Variants in CLECL1 observed in about 807,000 individuals in gnomAD.
CLECL1 encodes the protein C-type lectin-like domain family 1.
At chr12:9,704,229 C>T in the CLECL1 span, 27 of 152,072 alleles carry the variant, frequency 1.8e-4, no homozygotes, top group Non-Finnish European at 2.2e-4. Flanking sequence ...ATTTTAATTG[C>T]ACAAGGAGAA....
chr12:9,718,000 A>G (rs543757121), downstream of CLECL1, among the ~76,000 whole-genome samples: 46 of 151,996 alleles, frequency 3.0e-4, no homozygotes, highest in Non-Finnish European at 5.7e-4. Context: ...GATGCTTTAT[A>G]TTGTTATTTT....
chr12:9,733,988 A>G (rs1866485965), upstream of CLECL1, among the ~76,000 whole-genome samples: 1 of 152,236 alleles, frequency 6.6e-6, no homozygotes, highest in Admixed American at 6.5e-5. Context: ...CACCATACAG[A>G]GGGAAATAAT....
intron 1 of CLECL1, among the ~76,000 whole-genome samples, chr12:9,730,192 C>CAG (rs1429324919): frequency 1.3e-5 from 2 of 152,158 alleles, no homozygotes; most frequent in African/African-American, 4.8e-5. Context: ...TACTTGAGAG[C>CAG]AGAGCTGATA....
At chr12:9,724,002 C>T (rs1019533353) in intron 3 of CLECL1, among the ~76,000 whole-genome samples, 4 of 151,692 alleles carry the variant, frequency 2.6e-5, no homozygotes, top group Admixed American at 6.6e-5. Flanking sequence ...CTGGCCAACA[C>T]GGCAAAATCC....
At chr12:9,712,777 ACTT>A (rs1233095483), downstream of CLECL1, among the ~76,000 whole-genome samples, 3 of 152,134 alleles carry the variant, frequency 2.0e-5, no homozygotes, top group Non-Finnish European at 4.4e-5. Flanking sequence ...AATTTTGCCA[ACTT>A]CTTTTTTTAA....
the CLECL1 span, among the ~76,000 whole-genome samples, chr12:9,707,098 C>T: frequency 6.6e-6 from 1 of 152,072 alleles, no homozygotes; most frequent in African/African-American, 2.4e-5. Flanking sequence ...GTGTATTTGT[C>T]CAGAAATTTA....
intron 1 of CLECL1, among the ~76,000 whole-genome samples, chr12:9,732,226 A>T (rs1866456289): frequency 6.6e-6 from 1 of 152,208 alleles, no homozygotes; most frequent in Non-Finnish European, 1.5e-5. Context: ...AGGAACTTTA[A>T]ATTATTTAAA....
At chr12:9,729,761 C>G (rs528906223) in intron 1 of CLECL1, among the ~76,000 whole-genome samples, 64 of 152,164 alleles carry the variant, frequency 4.2e-4, no homozygotes, top group Non-Finnish European at 7.5e-4. Context: ...AATAAACTTT[C>G]TCACCTATCA....
chr12:9,709,673 G>A, the CLECL1 span, among the ~76,000 whole-genome samples: 2 of 152,158 alleles, frequency 1.3e-5, no homozygotes, highest in African/African-American at 2.4e-5. Context: ...GGAAGGGGAC[G>A]AATATTCTCC....
At chr12:9,708,809 A>G in the CLECL1 span, 160,274 of 182,384 alleles carry the variant, frequency 0.88, 71,350 homozygotes, top group East Asian at 0.97. Context: ...TTCTCTCTCC[A>G]TCACACCCTG....
Position 9,723,245 on chromosome 12 carries a change from G to A in CLECL1, n.263-432C>T, listed in dbSNP as rs1866336014. Among the ~76,000 whole-genome samples, 3 of 152,086 alleles carry A rather than the reference G, an allele frequency of 2.0e-5. No individual in the cohort carries two copies. In the South Asian group the frequency reaches 6.2e-4, roughly 32 times the overall value. On this transcript the variant is annotated intron_variant and non_coding_transcript_variant, in intron 3 of 3. Coordinates refer to ENST00000621400, the Ensembl canonical transcript of CLECL1. The stretch of plus-strand genomic sequence containing the variant: ...ATTCACAAGCAAAATTTGTGCTATA[G>A]GCAGTCCCCCAAAATCAAATAGGTT...
At chr12:9,722,872 T>C (rs1866332197) in intron 3 of CLECL1, 59 bp from the exon 2 acceptor site, 2 of 1,287,334 alleles carry the variant, frequency 1.6e-6, no homozygotes, top group African/African-American at 1.5e-5. Context: ...TAATAATGTA[T>C]ACTAATTGAA....
At chr12:9,715,732 C>CT (rs1298119799), downstream of CLECL1, 1 of 152,814 alleles carries the variant, frequency 6.5e-6, no homozygotes, top group Admixed American at 6.5e-5. Context: ...TCCCCACCCA[C>CT]TGCTGAGCTC....
chr12:9,722,716 AG>A, exon 4 of CLECL1: 4 of 1,613,944 alleles, frequency 2.5e-6, no homozygotes, highest in Non-Finnish European at 3.4e-6. Context: ...TTTTGTTCCA[AG>A]ATTTCTTAGT....
the CLECL1 span, among the ~76,000 whole-genome samples, chr12:9,708,076 A>C: frequency 6.6e-6 from 1 of 152,178 alleles, no homozygotes; most frequent in Non-Finnish European, 1.5e-5. Context: ...TTCAGCAGCC[A>C]CGAGGAGGGT....
the CLECL1 span, among the ~76,000 whole-genome samples, chr12:9,705,707 T>A: frequency 2.0e-5 from 3 of 152,208 alleles, no homozygotes; most frequent in African/African-American, 7.2e-5. Context: ...CAGATGGTTG[T>A]AGGTGTGTGG....
chr12:9,708,678 C>T, the CLECL1 span, among the ~76,000 whole-genome samples: 1 of 152,176 alleles, frequency 6.6e-6, no homozygotes, highest in African/African-American at 2.4e-5. Context: ...CAGTTAACTC[C>T]TATTCTCCGG....
chr12:9,733,163 C>T (rs896597470), upstream of CLECL1: 10 of 1,613,850 alleles, frequency 6.2e-6, no homozygotes, highest in African/African-American at 1.3e-4. Flanking sequence ...GGGTGGTGGA[C>T]TTCCTCCATG....
chr12:9,711,475 A>C (rs1349495162), downstream of CLECL1, among the ~76,000 whole-genome samples: 1 of 151,376 alleles, frequency 6.6e-6, no homozygotes, highest in Non-Finnish European at 1.5e-5. Context: ...CTTCTGTGAA[A>C]ATTTTGCTTT....
Sources: gnomAD v4.1 joint callset for allele counts (sites outside exome capture counted in the v4.1 genomes callset) on GRCh38, gnomAD v4.1.1 for gene constraint, MANE v1.5 for transcripts, NCBI Gene and HGNC (gene_info 2026-07-23, HGNC 2026-07-21) for gene names.